TBC1D2: variants seen among roughly 807,000 people sequenced by gnomAD.
TBC1D2 encodes the protein TBC1 domain family member 2A.
TBC1D2 carries 58 observed loss-of-function variants against 91.1 expected under a neutral mutation model. The observed-to-expected ratio is 0.64, with a 90% CI of 0.52 to 0.79. TBC1D2 has a LOEUF of 0.79. Among genes scored for constraint, TBC1D2 ranks in the 30% least tolerant of loss-of-function variants. The pLI is 0.00. For missense variants in TBC1D2, 1,080 were observed against 1,208.3 expected, an observed-to-expected ratio of 0.89 and a Z score of 1.57; for synonymous variants, 482 against 511.5, an observed-to-expected ratio of 0.94 and a Z score of 0.78.
At chr9:98,232,863 G>C (rs1420135309) in intron 4 of TBC1D2, among the ~76,000 whole-genome samples, 1 of 152,220 alleles carries the variant, frequency 6.6e-6, no homozygotes, top group Admixed American at 6.5e-5. Flanking sequence ...TGTCACCCAG[G>C]CTGGAGTGCT....
In TBC1D2 at chr9:98,244,036, G is replaced by C; in HGVS notation, c.605C>G (p.Ala202Gly). ...GTGCTTGAGGGAAATATTCTGAAGGGCAGGGAAGGGCTGCAAGGCAGCTGC... is the reference window on the plus strand; with the variant it reads ...GTGCTTGAGGGAAATATTCTGAAGGCCAGGGAAGGGCTGCAAGGCAGCTGC... ...GVAAALQPFPALQNISLKHLG... is the reference protein window; with the variant it reads ...GVAAALQPFPGLQNISLKHLG... Residue 202 changes from alanine (A) to glycine (G), a missense_variant, in exon 3 of 13, where the codon GCC (alanine) becomes GGC (glycine). Physicochemically the swap from Ala to Gly is moderately conservative, Grantham distance 60 (BLOSUM62 0). Transcript: ENST00000465784. The C allele has an allele frequency of 6.2e-7, 1 of 1,611,236 alleles. No individual in the cohort carries two copies. The highest frequency in any genetic ancestry group is 8.5e-7 in the Non-Finnish European group (1 of 1,178,776).
Position 98,244,081 on chromosome 9 carries a change from G to A in TBC1D2, c.560C>T (p.Pro187Leu), listed in dbSNP as rs764857446. The A allele has an allele frequency of 1.2e-6, 2 of 1,613,258 alleles. No individual in the cohort carries two copies. Among genetic ancestry groups the A allele is most frequent in the Non-Finnish European group, 1.7e-6 (2 of 1,179,694 alleles). ...LEEFLCPVKTPPGLVGVAAAL... is the reference protein window; with the variant it reads ...LEEFLCPVKTLPGLVGVAAAL... ...AGCTGCCACGCCCACTAGCCCAGGG[G>A]GTGTTTTCACAGGGCACAGGAACTC... The change falls in exon 3 of 13, where the codon CCC becomes CTC. Residue 187 changes from proline to leucine, a missense_variant. Physicochemically the swap from Pro to Leu is moderately conservative, Grantham distance 98. Transcript: ENST00000465784.
intron 6 of TBC1D2, among the ~76,000 whole-genome samples, chr9:98,218,127 A>T (rs1829012577): frequency 6.6e-6 from 1 of 152,144 alleles, no homozygotes; most frequent in Non-Finnish European, 1.5e-5. Flanking sequence ...CTGGCATTAC[A>T]GGTGTGAGCC....
chr9:98,207,480 C>T (rs1381361432), intron 9 of TBC1D2, among the ~76,000 whole-genome samples: 1 of 152,206 alleles, frequency 6.6e-6, no homozygotes, highest in African/African-American at 2.4e-5. Context: ...GCCCTGTGAA[C>T]CAGGTGACCT....
At chr9:98,205,194 C>T (rs1202049299) in intron 9 of TBC1D2, among the ~76,000 whole-genome samples, 1 of 152,208 alleles carries the variant, frequency 6.6e-6, no homozygotes, top group Non-Finnish European at 1.5e-5. Context: ...TCCACTCTAT[C>T]CCACCCTGTT....
chr9:98,209,658 A>G (rs1828760527), intron 8 of TBC1D2, among the ~76,000 whole-genome samples: 3 of 151,978 alleles, frequency 2.0e-5, no homozygotes, highest in Admixed American at 2.0e-4. Context: ...CCCTGCCTGC[A>G]CTATCTCATT....
Position 98,208,686 on chromosome 9 carries a change from T to G in TBC1D2, c.2132A>C (p.Tyr711Ser), listed in dbSNP as rs1588032387. The change falls in exon 9 of 13, where the codon TAC (tyrosine) becomes TCC (serine). Residue 711 changes from tyrosine (Y) to serine (S), a missense_variant. Tyr to Ser is a moderately radical substitution (Grantham distance 144, BLOSUM62 -2). Transcript: ENST00000465784. Reference sequence around the variant, plus strand: ...GGCTTACCTGTTCAGGCCCTGGCAGTAGCCGATGGTGGGGTTCTGCCAGGA... The same window carrying G: ...GGCTTACCTGTTCAGGCCCTGGCAGGAGCCGATGGTGGGGTTCTGCCAGGA... Reference protein sequence around the residue: ...AFSWQNPTIGYCQGLNRLAAI... With the variant: ...AFSWQNPTIGSCQGLNRLAAI... The G allele has an allele frequency of 3.3e-6, 5 of 1,530,342 alleles. No homozygotes were observed. Among genetic ancestry groups the G allele is most frequent in the Non-Finnish European group, 4.4e-6 (5 of 1,136,622 alleles). 94.8% of individuals were successfully genotyped at this position (1,530,342 alleles called of 1,614,324 possible).
chr9:98,217,835 C>T (rs553914750), intron 6 of TBC1D2, among the ~76,000 whole-genome samples: 84 of 152,278 alleles, frequency 5.5e-4, no homozygotes, highest in African/African-American at 2.0e-3. Context: ...CCACCTCAGC[C>T]TTCTGAGTAG....
intron 9 of TBC1D2, among the ~76,000 whole-genome samples, chr9:98,206,735 C>G (rs1828665970): frequency 6.6e-6 from 1 of 152,174 alleles, no homozygotes; most frequent in Non-Finnish European, 1.5e-5. Flanking sequence ...CGGGCAGGTT[C>G]CTCAGCCTCT....
At chr9:98,215,646 T>C (rs1397596780) in intron 6 of TBC1D2, among the ~76,000 whole-genome samples, 1 of 152,204 alleles carries the variant, frequency 6.6e-6, no homozygotes, top group Non-Finnish European at 1.5e-5. Context: ...TAGCTGGGAC[T>C]ATAGGCAGGC....
intron 3 of TBC1D2, among the ~76,000 whole-genome samples, chr9:98,240,872 A>G (rs1379444632): frequency 2.6e-5 from 4 of 152,110 alleles, no homozygotes; most frequent in Admixed American, 2.0e-4. Flanking sequence ...AAATTTATCA[A>G]CTTTGCTTGG....
intron 7 of TBC1D2, 148 bp from the exon 8 acceptor site, chr9:98,210,991 G>A: frequency 1.3e-6 from 1 of 774,430 alleles, no homozygotes; most frequent in Non-Finnish European, 2.0e-6. Context: ...AGGGAAAGGA[G>A]ATGGGCCCTG....
chr9:98,211,450 C>T (rs1348920793), intron 7 of TBC1D2, among the ~76,000 whole-genome samples: 1 of 152,144 alleles, frequency 6.6e-6, no homozygotes, highest in African/African-American at 2.4e-5. Context: ...GGGACACTCC[C>T]CCCAACCCTA....
chr9:98,241,606 TTCTA>T (rs1186427754), intron 3 of TBC1D2, among the ~76,000 whole-genome samples: 1 of 152,204 alleles, frequency 6.6e-6, no homozygotes, highest in East Asian at 1.9e-4. Flanking sequence ...TCTCTGCATT[TTCTA>T]TGTTCTGCTT....
chr9:98,248,179 T>C (rs1267192895), intron 2 of TBC1D2, among the ~76,000 whole-genome samples: 1 of 152,254 alleles, frequency 6.6e-6, no homozygotes, highest in Non-Finnish European at 1.5e-5. Flanking sequence ...CAGAGCAGCC[T>C]TTCTAACAAG....
chr9:98,242,195 A>T lies in TBC1D2; in HGVS notation c.647+1799T>A, dbSNP rs1001333568. 2.6e-5 allele frequency among the ~76,000 whole-genome samples: 4 copies of T among 152,172 alleles called. No homozygotes were observed. In the East Asian group the frequency reaches 7.7e-4, roughly 29 times the overall value. ...GGTGGCTCACGTCTGTAATCCCAGC[A>T]CTTTGGGAGGCCGAGGTGGGCAAAC... On this transcript the variant is annotated intron_variant, in intron 3 of 12. Coordinates refer to ENST00000465784, the MANE Select transcript of TBC1D2 (RefSeq NM_001267571.2).
intron 1 of TBC1D2, 51 bp downstream of exon 1, chr9:98,255,122 A>T (rs770594058): frequency 1.9e-6 from 3 of 1,557,880 alleles, no homozygotes; most frequent in Non-Finnish European, 2.6e-6. Flanking sequence ...TTGCCCTGCG[A>T]AAAGGGGACC....
chr9:98,217,721 T>C (rs1444980313), intron 6 of TBC1D2, among the ~76,000 whole-genome samples: 1 of 152,190 alleles, frequency 6.6e-6, no homozygotes. Flanking sequence ...TTTTTATTTT[T>C]TTTTTAATAG....
rs1165010451 is a variant in TBC1D2, at chr9:98,224,218, A to AAAG, written c.979-2993_979-2991dup. Among the ~76,000 whole-genome samples, 535 of 150,964 alleles carry AAAG rather than the reference A, an allele frequency of 3.5e-3. 7 individuals are homozygous for AAAG. Among genetic ancestry groups the AAAG allele is most frequent in the African/African-American group, 0.012 (496 of 41,090 alleles). ...TCTCAAAAAAAAAAAAAAGAAAAGAAAAGAAAAGAAAAATAGAGGGGTTGA... is the reference window on the plus strand; with the variant it reads ...TCTCAAAAAAAAAAAAAAGAAAAGAAAAGAAGAAAAGAAAAATAGAGGGGTTGA... On this transcript the variant is annotated intron_variant, in intron 5 of 12. Transcript: ENST00000465784.
Sources: allele counts gnomAD v4.1 joint callset (sites outside exome capture counted in the v4.1 genomes callset), GRCh38; gene constraint gnomAD v4.1.1; transcripts MANE v1.5; gene names NCBI Gene and HGNC (gene_info 2026-07-23, HGNC 2026-07-21).